The following FOXK1 variants were observed in gnomAD, a reference collection of about 807,000 sequenced individuals.
The protein encoded by FOXK1 is forkhead box protein K1.
A neutral mutation model predicts 51.9 loss-of-function variants in FOXK1; 19 were observed. That is an observed-to-expected ratio of 0.37 (90% CI 0.26 to 0.54). The LOEUF (loss-of-function observed/expected upper bound fraction) is 0.54, where lower values mean the gene tolerates loss of function less well. Among genes scored for constraint, FOXK1 ranks in the 20% least tolerant of loss-of-function variants. The pLI, the probability that FOXK1 is intolerant of heterozygous loss-of-function variation, is 0.87. For missense variants in FOXK1, 870 were observed against 1,032.7 expected (o/e 0.84, Z 2.16); for synonymous variants, 537 against 482.6 (o/e 1.11, Z -1.48).
At chr7:4,717,169 A>G (rs899127782) in intron 1 of FOXK1, among the ~76,000 whole-genome samples, 645 of 85,360 alleles carry the variant, frequency 7.6e-3, no homozygotes, top group Middle Eastern at 0.037. Flanking sequence ...ATGGAAGGTG[A>G]TGGTGGGAGG....
rs1260186270 is a variant in FOXK1 at position 4,765,920 on chromosome 7, G to A, written c.*3456G>A. On this transcript the variant is annotated 3_prime_UTR_variant, in exon 9 of 9. Transcript: ENST00000328914. The stretch of plus-strand genomic sequence containing the variant: ...GCGTCCCCAGGCTGCTAGGGCAGCA[G>A]CTGGCTCAGGGCACACTCTCTCGTG... The A allele has an allele frequency of 2.0e-5, 3 of 152,230 alleles. No individual in the cohort carries two copies. The highest frequency in any genetic ancestry group is 2.9e-5 in the Non-Finnish European group (2 of 68,074). 9.4% of individuals were successfully genotyped at this position (152,230 alleles called of 1,614,324 possible).
intron 1 of FOXK1, among the ~76,000 whole-genome samples, chr7:4,690,023 G>T (rs573825177): frequency 6.6e-6 from 1 of 152,194 alleles, no homozygotes; most frequent in African/African-American, 2.4e-5. Context: ...GCTTCTCCAC[G>T]TGAAGGATCA....
chr7:4,718,418 T>C (rs1408920122), intron 1 of FOXK1, among the ~76,000 whole-genome samples: 1 of 152,252 alleles, frequency 6.6e-6, no homozygotes, highest in Non-Finnish European at 1.5e-5. Flanking sequence ...CTTTCTGAGT[T>C]GTGGGCCTCA....
chr7:4,737,053 G>A (rs141612470), intron 1 of FOXK1, among the ~76,000 whole-genome samples: 123 of 152,302 alleles, frequency 8.1e-4, no homozygotes, highest in African/African-American at 2.8e-3. Context: ...TCTTCTGTGC[G>A]TGTGTGTGCA....
At chr7:4,736,794 C>G (rs1483060624) in intron 1 of FOXK1, among the ~76,000 whole-genome samples, 1 of 152,218 alleles carries the variant, frequency 6.6e-6, no homozygotes, top group Non-Finnish European at 1.5e-5. Flanking sequence ...GCAAAGATCA[C>G]AGAAGCGCAG....
At chr7:4,704,268 T>G (rs1390014039) in intron 1 of FOXK1, among the ~76,000 whole-genome samples, 1 of 151,812 alleles carries the variant, frequency 6.6e-6, no homozygotes. Context: ...CTGGCCAATG[T>G]GGTAAAACCT....
In FOXK1 at chr7:4,762,518, G is replaced by C; in HGVS notation, c.*54G>C. 1 of 1,495,408 alleles carries C rather than the reference G, an allele frequency of 6.7e-7. No homozygotes were observed. Among genetic ancestry groups the C allele is most frequent in the Non-Finnish European group, 9.0e-7 (1 of 1,115,894 alleles). 92.6% of individuals were successfully genotyped at this position (1,495,408 alleles called of 1,614,324 possible). A position where few individuals can be genotyped will look rare whatever the true frequency, so the allele number is the denominator to read the frequency against. ...TCACCCAGCGGCGACCCCGAAGCTG[G>C]ACCCGGCAGCTCAGGCGGCCGCACC... On this transcript the variant is annotated 3_prime_UTR_variant, in exon 9 of 9. Coordinates refer to ENST00000328914, the MANE Select transcript of FOXK1 (RefSeq NM_001037165.2). This position sits in a 1 kb window ranked among gnomAD's most constrained non-coding sequence, Gnocchi z 5.7.
Position 4,765,877 on chromosome 7 carries a change from T to C in FOXK1, c.*3413T>C, listed in dbSNP as rs777487120. 1 of 151,732 alleles carries C rather than the reference T, an allele frequency of 6.6e-6. No homozygotes were observed. Among genetic ancestry groups the C allele is most frequent in the Non-Finnish European group, 1.5e-5 (1 of 67,918 alleles). The allele number at this position is 151,732 out of a possible 1,614,324, so 9.4% of individuals were successfully genotyped here. ...AGGCCATTTGGTGGCCCCTGGGAAG[T>C]GGGGAAGCAGGGCCTGAGCGTCCCC... On this transcript the variant is annotated 3_prime_UTR_variant, in exon 9 of 9. Transcript: ENST00000328914.
In FOXK1 at chr7:4,756,191, T is replaced by G. The variant is rs578070084; in HGVS notation, c.1051-803T>G. Among the ~76,000 whole-genome samples, 91 of 152,264 alleles carry G rather than the reference T, an allele frequency of 6.0e-4. 1 individual carries two copies. Among genetic ancestry groups the G allele is most frequent in the African/African-American group, 2.1e-3 (89 of 41,576 alleles). The stretch of plus-strand genomic sequence containing the variant: ...GTGTGGTGGCGCGATCTCAGCTCAC[T>G]GCAACCTTCGCCTCCCAGGTTCAAG... On this transcript the variant is annotated intron_variant, in intron 4 of 8. Coordinates refer to ENST00000328914, the MANE Select transcript of FOXK1 (RefSeq NM_001037165.2). This position sits in a 1 kb window ranked among gnomAD's most constrained non-coding sequence, Gnocchi z 4.1.
chr7:4,697,017 G>A (rs1443887728), intron 1 of FOXK1, among the ~76,000 whole-genome samples: 1 of 152,160 alleles, frequency 6.6e-6, no homozygotes, highest in Admixed American at 6.6e-5. Flanking sequence ...GCAGTGAGCC[G>A]AGATCATCCT....
chr7:4,734,439 C>T lies in FOXK1; in HGVS notation c.561-6399C>T, dbSNP rs1007858456. On this transcript the variant is annotated intron_variant, in intron 1 of 8. Transcript: ENST00000328914. This position sits in a 1 kb window ranked among gnomAD's most constrained non-coding sequence, Gnocchi z 5.2. ...GGAGGATGAGATGCTCTGTGGCTTCCACCACTCCCCAGATCGTCTGCTTCC... is the reference window on the plus strand; with the variant it reads ...GGAGGATGAGATGCTCTGTGGCTTCTACCACTCCCCAGATCGTCTGCTTCC... 6.6e-6 allele frequency among the ~76,000 whole-genome samples: 1 copy of T among 152,204 alleles called. No individual in the cohort carries two copies. The highest frequency in any genetic ancestry group is 1.9e-4 in the East Asian group (1 of 5,184).
At chr7:4,737,552 C>CGTGTGTGTGTG (rs1780570317) in intron 1 of FOXK1, among the ~76,000 whole-genome samples, 8 of 148,986 alleles carry the variant, frequency 5.4e-5, no homozygotes, top group African/African-American at 2.0e-4. Flanking sequence ...GTGTGCGTGC[C>CGTGTGTGTGTG]TGTGTGTGTG....
intron 7 of FOXK1, among the ~76,000 whole-genome samples, chr7:4,760,529 T>C (rs1780917528): frequency 6.6e-6 from 1 of 152,188 alleles, no homozygotes; most frequent in South Asian, 2.1e-4. Flanking sequence ...CAGACTAAAT[T>C]TGGGTTGGTT....
chr7:4,682,432 G>C lies in FOXK1; in HGVS notation c.124G>C (p.Ala42Pro). Residue 42 changes from alanine to proline, a missense_variant, in exon 1 of 9, where the codon GCC becomes CCC. Around this residue, in one of 3 missense-constraint regions of FOXK1, gnomAD observed 399 missense variants for 475.6 expected, o/e 0.84. Coordinates refer to ENST00000328914, the MANE Select transcript of FOXK1 (RefSeq NM_001037165.2). This position sits in a 1 kb window ranked among gnomAD's most constrained non-coding sequence, Gnocchi z 7.6. ...AAFPAAAPPP[A>P]PAQPQPPPGP... ...CTTCCCCGCGGCCGCACCCCCGCCG[G>C]CCCCCGCGCAGCCCCAGCCTCCGCC... is the stretch of plus-strand genomic sequence containing the variant. 1.0e-6 allele frequency: 1 copy of C among 979,854 alleles called. No homozygotes were observed. The highest frequency in any genetic ancestry group is 1.2e-6 in the Non-Finnish European group (1 of 828,106). The allele number at this position is 979,854 out of a possible 1,614,324, so 60.7% of individuals were successfully genotyped here. A position where few individuals can be genotyped will look rare whatever the true frequency, so the allele number is the denominator to read the frequency against.
rs774921904 is a variant in FOXK1, at chr7:4,740,943, C to G, written c.666C>G (p.Ile222Met). 6.3e-7 allele frequency: 1 copy of G among 1,579,000 alleles called. No individual in the cohort carries two copies. Among genetic ancestry groups the G allele is most frequent in the Non-Finnish European group, 8.6e-7 (1 of 1,165,276 alleles). The part of the protein sequence containing the change: ...ASPLRPLYPQ[I>M]SPLKIHIPEP... ...CGCTGCGGCCACTGTACCCCCAGAT[C>G]TCCCCTCTGAAGATCCACATCCCGG... The change falls in exon 2 of 9, where the codon ATC becomes ATG. Residue 222 changes from isoleucine to methionine, a missense_variant. This residue lies in a region of FOXK1 where 399 missense variants were observed against 475.6 expected (regional missense o/e 0.84). Transcript: ENST00000328914.
In FOXK1 at chr7:4,683,646, AC is replaced by A. The variant is rs1779781952; in HGVS notation, c.560+783del. Among the ~76,000 whole-genome samples the A allele has an allele frequency of 6.7e-6, 1 of 149,834 alleles. No homozygotes were observed. Among genetic ancestry groups the A allele is most frequent in the South Asian group, 2.1e-4 (1 of 4,688 alleles). ...GACCTGGTTCTCAGGACCACCCCCG[AC>A]CCCCACCAGCCAGGGCCTCAAGTCA... On this transcript the variant is annotated intron_variant, in intron 1 of 8. Coordinates refer to ENST00000328914, the MANE Select transcript of FOXK1 (RefSeq NM_001037165.2). The surrounding 1 kb of genome is among the most constrained non-coding windows in gnomAD (Gnocchi z 4.5).
rs919512321 is a variant in FOXK1 at position 4,730,125 on chromosome 7, G to T, written c.561-10713G>T. Among the ~76,000 whole-genome samples the T allele has an allele frequency of 6.6e-6, 1 of 152,164 alleles. No individual in the cohort carries two copies. Among genetic ancestry groups the T allele is most frequent in the African/African-American group, 2.4e-5 (1 of 41,432 alleles). ...CGCTGTCTTTTCTTTTTCCAAATAG[G>T]ACATGCTTATTTGCCTGATTACAAA... On this transcript the variant is annotated intron_variant, in intron 1 of 8. Transcript: ENST00000328914. This position sits in a 1 kb window ranked among gnomAD's most constrained non-coding sequence, Gnocchi z 4.7.
rs954235686 is a variant in FOXK1, at chr7:4,749,392, A to G, written c.747-5067A>G. Among the ~76,000 whole-genome samples, 1 of 151,724 alleles carries G rather than the reference A, an allele frequency of 6.6e-6. No individual in the cohort carries two copies. The highest frequency in any genetic ancestry group is 2.4e-5 in the African/African-American group (1 of 41,246). On this transcript the variant is annotated intron_variant, in intron 2 of 8. Transcript: ENST00000328914. This position sits in a 1 kb window ranked among gnomAD's most constrained non-coding sequence, Gnocchi z 6.0. ...TGTGTTTAACAGTGAGGTCCTAAAA[A>G]CCCTCTTAGAGCGGCTGGTATTGGA... is the stretch of plus-strand genomic sequence containing the variant.
At position 4,760,316 on chromosome 7, in the gene FOXK1, G is replaced by A. The variant is rs145119469; in HGVS notation, c.1696+721G>A. ...CCCAGGGCTTGACGGGGTAGACACT[G>A]AACATGCAGCTGACCCCAGAAGCTC... On this transcript the variant is annotated intron_variant, in intron 7 of 8. Coordinates refer to ENST00000328914, the MANE Select transcript of FOXK1 (RefSeq NM_001037165.2). Among the ~76,000 whole-genome samples the A allele has an allele frequency of 1.9e-3, 284 of 152,312 alleles. 3 individuals are homozygous for A. The highest frequency in any genetic ancestry group is 6.4e-3 in the African/African-American group (268 of 41,574).
Sources: gnomAD v4.1 joint callset for allele counts (sites outside exome capture counted in the v4.1 genomes callset) on GRCh38, gnomAD v4.1.1 for gene constraint, gnomAD v4.1.1 regional missense constraint, Gnocchi (gnomAD v3.1) non-coding constraint, MANE v1.5 for transcripts, NCBI Gene and HGNC (gene_info 2026-07-23, HGNC 2026-07-21) for gene names.